The following CFAP20DC variants were observed in gnomAD, a reference collection of about 807,000 sequenced individuals.
The protein encoded by CFAP20DC is protein CFAP20DC.
CFAP20DC carries 84 observed loss-of-function variants against 101.7 expected under a neutral mutation model. That is an observed-to-expected ratio of 0.83 (90% CI 0.69 to 0.99). The LOEUF (loss-of-function observed/expected upper bound fraction) is 0.99. CFAP20DC is among the 50% of genes least tolerant of loss of function. CFAP20DC has a pLI of 0.00. For synonymous variants in CFAP20DC, 359 were observed against 351.2 expected (o/e 1.02, Z -0.25); for missense variants, 1,007 against 970.3 (o/e 1.04, Z -0.50).
intron 16 of CFAP20DC, among the ~76,000 whole-genome samples, chr3:58,751,922 A>G (rs1212806997): frequency 1.3e-5 from 2 of 152,080 alleles, no homozygotes; most frequent in African/African-American, 4.8e-5. Context: ...GGTGTCTGGC[A>G]TAAAGTAAGT....
intron 6 of CFAP20DC, among the ~76,000 whole-genome samples, chr3:58,895,364 C>T (rs956063860): frequency 1.3e-5 from 2 of 152,198 alleles, no homozygotes; most frequent in African/African-American, 2.4e-5. Flanking sequence ...ATTTCTTCCA[C>T]CAGATACCCT....
chr3:58,801,766 C>A (rs577633143), intron 15 of CFAP20DC, among the ~76,000 whole-genome samples: 31 of 152,286 alleles, frequency 2.0e-4, no homozygotes, highest in Admixed American at 1.0e-3. Flanking sequence ...TCAAAGACTG[C>A]AGGGCTTTAT....
At chr3:58,813,664 T>C (rs1290606242) in intron 14 of CFAP20DC, among the ~76,000 whole-genome samples, 2 of 151,978 alleles carry the variant, frequency 1.3e-5, no homozygotes, top group African/African-American at 4.8e-5. Context: ...CAGAGTAAAC[T>C]GTCTTCCTCT....
intron 4 of CFAP20DC, among the ~76,000 whole-genome samples, chr3:59,027,553 T>C (rs923355012): frequency 9.9e-5 from 15 of 152,180 alleles, no homozygotes; most frequent in Non-Finnish European, 2.1e-4. Flanking sequence ...ACAAAATGTC[T>C]ATCAAAATTC....
rs930659736 is a variant in CFAP20DC at position 58,998,377 on chromosome 3, T to C, written c.278+41180A>G. On this transcript the variant is annotated intron_variant, in intron 4 of 16. Coordinates refer to ENST00000482387, the MANE Select transcript of CFAP20DC (RefSeq NM_001394063.1). The stretch of plus-strand genomic sequence containing the variant: ...AAGCCTAAGTTTACTCGTTTGTAAA[T>C]GGGTGATAACAATATCAAACTCATG... 6.6e-5 allele frequency among the ~76,000 whole-genome samples: 10 copies of C among 152,306 alleles called. No individual in the cohort carries two copies. The South Asian group carries it at 2.1e-3, about 32-fold the overall frequency.
At chr3:58,891,723 G>C (rs1299344093) in intron 6 of CFAP20DC, among the ~76,000 whole-genome samples, 1 of 152,180 alleles carries the variant, frequency 6.6e-6, no homozygotes, top group African/African-American at 2.4e-5. Context: ...TTGTCAGATG[G>C]ATAGGTTGCA....
At chr3:58,755,521 C>CTA (rs2068878989) in intron 15 of CFAP20DC, among the ~76,000 whole-genome samples, 1 of 152,146 alleles carries the variant, frequency 6.6e-6, no homozygotes, top group African/African-American at 2.4e-5. Flanking sequence ...AAATCAGAAA[C>CTA]TATATAATCA....
intron 4 of CFAP20DC, among the ~76,000 whole-genome samples, chr3:58,962,163 C>T (rs143980112): frequency 9.5e-4 from 144 of 152,264 alleles, no homozygotes; most frequent in African/African-American, 3.3e-3. Flanking sequence ...CTCCAAGTTT[C>T]CCTTTAACCA....
At position 58,870,210 on chromosome 3, in the gene CFAP20DC, A is replaced by T. The variant is rs1430490647; in HGVS notation, c.815T>A (p.Leu272His). 2 of 1,614,090 alleles carry T rather than the reference A, an allele frequency of 1.2e-6. No individual in the cohort carries two copies. Among genetic ancestry groups the T allele is most frequent in the Non-Finnish European group, 8.5e-7 (1 of 1,180,006 alleles). Residue 272 changes from leucine (L) to histidine (H), a missense_variant, in exon 8 of 17, where the codon CTC becomes CAC. By Grantham distance (99) the Leu-to-His change is moderately conservative (BLOSUM62 -3). Transcript: ENST00000482387. ...CTTCATGTTATTCCTTCTGCCAGAG[A>T]GTGGAGGTGGCCCAAGAACTTTGGA... ...FGSKVLGPPP[L>H]SGRRNNMKIS...
Position 59,007,461 on chromosome 3 carries a change from T to C in CFAP20DC, c.278+32096A>G, listed in dbSNP as rs73837010. 0.021 allele frequency among the ~76,000 whole-genome samples: 3,253 copies of C among 152,314 alleles called. 112 individuals carry two copies. Among genetic ancestry groups the C allele is most frequent in the African/African-American group, 0.073 (3,047 of 41,570 alleles). On this transcript the variant is annotated intron_variant, in intron 4 of 16. Transcript: ENST00000482387. This position sits in a 1 kb window ranked among gnomAD's most constrained non-coding sequence, Gnocchi z 4.4. The stretch of plus-strand genomic sequence containing the variant: ...GCCATTACAGCAACTCATGACAGAA[T>C]AATCTGGCTCCCAGCAAGGAGAAAA...
At chr3:58,949,455 A>G (rs1416186343) in intron 4 of CFAP20DC, among the ~76,000 whole-genome samples, 4 of 151,874 alleles carry the variant, frequency 2.6e-5, no homozygotes, top group Non-Finnish European at 2.9e-5. Context: ...ACTGCTTTGA[A>G]TGCGTCCCAG....
At chr3:58,814,083 C>A (rs956244528) in intron 14 of CFAP20DC, among the ~76,000 whole-genome samples, 1 of 151,898 alleles carries the variant, frequency 6.6e-6, no homozygotes, top group Non-Finnish European at 1.5e-5. Flanking sequence ...CAGCTGTACT[C>A]AGGTCTCCAG....
intron 4 of CFAP20DC, among the ~76,000 whole-genome samples, chr3:58,961,213 T>C (rs1196112178): frequency 6.6e-6 from 1 of 152,214 alleles, no homozygotes; most frequent in African/African-American, 2.4e-5. Flanking sequence ...TCTTGTGATG[T>C]CTTCATTGTC....
chr3:58,732,612 T>C lies in CFAP20DC; in HGVS notation c.198-14984A>G, dbSNP rs1405088843. Among the ~76,000 whole-genome samples, 1 of 152,176 alleles carries C rather than the reference T, an allele frequency of 6.6e-6. No homozygotes were observed. The highest frequency in any genetic ancestry group is 1.9e-4 in the East Asian group (1 of 5,174). ...AAATGGAAATAAAACCGAATGGTGCTAGAATTAGTAGGAGAATTAAGAGAG... is the reference window on the plus strand; with the variant it reads ...AAATGGAAATAAAACCGAATGGTGCCAGAATTAGTAGGAGAATTAAGAGAG... On this transcript the variant is annotated intron_variant, in intron 3 of 3. Transcript: ENST00000486145. This position sits in a 1 kb window ranked among gnomAD's most constrained non-coding sequence, Gnocchi z 5.4.
chr3:58,761,117 C>A (rs1448484140), intron 15 of CFAP20DC, among the ~76,000 whole-genome samples: 1 of 152,128 alleles, frequency 6.6e-6, no homozygotes, highest in Admixed American at 6.5e-5. Context: ...ATGGTAGCAG[C>A]TCCTCCTTGT....
chr3:58,787,869 C>T, intron 15 of CFAP20DC, among the ~76,000 whole-genome samples: 1 of 151,898 alleles, frequency 6.6e-6, no homozygotes, highest in Non-Finnish European at 1.5e-5. Flanking sequence ...CCATCATTCT[C>T]AGCAAATTAA....
rs542947507 is a variant in CFAP20DC, at chr3:58,928,620, T to C, written c.393+9028A>G. Among the ~76,000 whole-genome samples, 28 of 152,272 alleles carry C rather than the reference T, an allele frequency of 1.8e-4. 1 individual carries two copies. In the South Asian group the frequency reaches 5.0e-3, roughly 27 times the overall value. On this transcript the variant is annotated intron_variant, in intron 5 of 16. Coordinates refer to ENST00000482387, the MANE Select transcript of CFAP20DC (RefSeq NM_001394063.1). ...TATATGTTATATATGTAATAAAATA[T>C]AGAGTAATTAGAACATATTATGAGT...
intron 16 of CFAP20DC, among the ~76,000 whole-genome samples, chr3:58,747,681 T>C (rs925046945): frequency 2.0e-5 from 3 of 152,070 alleles, no homozygotes; most frequent in Non-Finnish European, 2.9e-5. Flanking sequence ...GATCACCATT[T>C]GGAGCAGTCA....
intron 15 of CFAP20DC, among the ~76,000 whole-genome samples, chr3:58,780,071 A>G (rs1196902107): frequency 6.6e-6 from 1 of 152,154 alleles, no homozygotes; most frequent in African/African-American, 2.4e-5. Flanking sequence ...AAAGAGTTGA[A>G]AGATTTAAAA....
Sources: allele counts gnomAD v4.1 joint callset (sites outside exome capture counted in the v4.1 genomes callset), GRCh38; gene constraint gnomAD v4.1.1; non-coding constraint Gnocchi (gnomAD v3.1); transcripts MANE v1.5; gene names NCBI Gene and HGNC (gene_info 2026-07-23, HGNC 2026-07-21).